The following SNTG1 variants were observed in gnomAD, a reference collection of about 807,000 sequenced individuals.
SNTG1 encodes syntrophin gamma 1, also known as gamma-1-syntrophin.
Under a neutral mutation model 74.7 loss-of-function variants are expected in SNTG1, and 39 were observed. That is an observed-to-expected ratio of 0.52 (90% CI 0.40 to 0.68). SNTG1 has a LOEUF of 0.68. Among genes scored for constraint, SNTG1 ranks in the 30% least tolerant of loss-of-function variants. The pLI is 0.00. For synonymous variants in SNTG1, 254 were observed against 217.1 expected (o/e 1.17, Z -1.49); for missense variants, 685 against 609.5 (o/e 1.12, Z -1.30).
At chr8:50,741,656 A>G (rs2095543693) in intron 17 of SNTG1, among the ~76,000 whole-genome samples, 1 of 152,072 alleles carries the variant, frequency 6.6e-6, no homozygotes, top group South Asian at 2.1e-4. Context: ...ATGGATAACT[A>G]AACTATGGTA....
chr8:50,506,612 G>GT (rs1022356387), intron 9 of SNTG1, among the ~76,000 whole-genome samples: 3 of 151,814 alleles, frequency 2.0e-5, no homozygotes, highest in Admixed American at 6.6e-5. Flanking sequence ...CAATAAAATT[G>GT]TTTTTTTATT....
At chr8:50,113,921 CAAAT>C (rs3086086) in intron 1 of SNTG1, among the ~76,000 whole-genome samples, 49,051 of 149,312 alleles carry the variant, frequency 0.33, 10,003 homozygotes, top group African/African-American at 0.59. Context: ...TAAAAATATA[CAAAT>C]AAATAAATAA....
chr8:50,764,927 C>T (rs964152231), intron 18 of SNTG1, among the ~76,000 whole-genome samples: 1 of 151,886 alleles, frequency 6.6e-6, no homozygotes, highest in Non-Finnish European at 1.5e-5. Context: ...TATATGTATA[C>T]ATAATGGAAT....
chr8:50,650,814 C>A (rs977247435), intron 13 of SNTG1, among the ~76,000 whole-genome samples: 2 of 152,056 alleles, frequency 1.3e-5, no homozygotes, highest in Non-Finnish European at 2.9e-5. Flanking sequence ...GATTCTCCTG[C>A]CTCAGTCTCC....
intron 12 of SNTG1, among the ~76,000 whole-genome samples, chr8:50,578,667 C>A (rs1011944206): frequency 2.6e-5 from 4 of 152,140 alleles, no homozygotes; most frequent in African/African-American, 9.7e-5. Context: ...AGTGAGTTCT[C>A]ACAAGATCTG....
intron 1 of SNTG1, among the ~76,000 whole-genome samples, chr8:50,152,406 C>T (rs1339450872): frequency 1.3e-5 from 2 of 152,148 alleles, no homozygotes; most frequent in African/African-American, 2.4e-5. Flanking sequence ...AGCCCATTTA[C>T]ATTTAAGGTT....
rs2129333057 is a variant in SNTG1 at position 49,911,997 on chromosome 8, G to A, written c.-337G>A. On this transcript the variant is annotated 5_prime_UTR_variant, in exon 1 of 19. Coordinates refer to ENST00000642720, the MANE Select transcript of SNTG1 (RefSeq NM_018967.5). ...ACTTCAAGAATCATTTTTCTATAGGGGTCTGGGAGGAATTCTGGAGGAGAG... is the reference window on the plus strand; with the variant it reads ...ACTTCAAGAATCATTTTTCTATAGGAGTCTGGGAGGAATTCTGGAGGAGAG... 1 of 152,448 alleles carries A rather than the reference G, an allele frequency of 6.6e-6. No homozygotes were observed. Among genetic ancestry groups the A allele is most frequent in the Admixed American group, 6.5e-5 (1 of 15,296 alleles). The allele number at this position is 152,448 out of a possible 1,614,324, so 9.4% of individuals were successfully genotyped here.
At chr8:50,255,818 G>A (rs1348252886) in intron 2 of SNTG1, among the ~76,000 whole-genome samples, 1 of 152,122 alleles carries the variant, frequency 6.6e-6, no homozygotes, top group South Asian at 2.1e-4. Flanking sequence ...AGCACTGAGG[G>A]CTAGAAGTTC....
intron 1 of SNTG1, among the ~76,000 whole-genome samples, chr8:49,983,734 T>C (rs766101031): frequency 1.4e-4 from 22 of 152,316 alleles, no homozygotes; most frequent in Non-Finnish European, 2.6e-4. Context: ...TTCACTGCCC[T>C]GATGCTTTTA....
chr8:50,540,075 T>G (rs2094335648), intron 11 of SNTG1, among the ~76,000 whole-genome samples: 1 of 152,166 alleles, frequency 6.6e-6, no homozygotes, highest in Non-Finnish European at 1.5e-5. Flanking sequence ...CATGCTTAGC[T>G]GTTCACCTCA....
chr8:50,110,222 T>A (rs541146540), intron 1 of SNTG1, among the ~76,000 whole-genome samples: 30 of 152,168 alleles, frequency 2.0e-4, no homozygotes, highest in Non-Finnish European at 2.9e-5. Context: ...CTGCAAGTCA[T>A]AAGGGACATT....
chr8:50,732,436 CT>C (rs2095515204), intron 17 of SNTG1, among the ~76,000 whole-genome samples: 1 of 151,772 alleles, frequency 6.6e-6, no homozygotes. Flanking sequence ...ATTTCACGTC[CT>C]TATGTTTCCC....
At chr8:50,612,023 G>A (rs888858626) in intron 13 of SNTG1, among the ~76,000 whole-genome samples, 2 of 152,094 alleles carry the variant, frequency 1.3e-5, no homozygotes, top group Admixed American at 1.3e-4. Context: ...CTCCCAAAGT[G>A]CTGGGATTGC....
At chr8:50,143,194 G>C (rs2081734810) in intron 1 of SNTG1, among the ~76,000 whole-genome samples, 1 of 152,192 alleles carries the variant, frequency 6.6e-6, no homozygotes, top group Non-Finnish European at 1.5e-5. Flanking sequence ...AATGTTCCAT[G>C]TGGGAAATGT....
chr8:50,291,852 C>T (rs2089129730), intron 2 of SNTG1, among the ~76,000 whole-genome samples: 1 of 151,954 alleles, frequency 6.6e-6, no homozygotes, highest in African/African-American at 2.4e-5. Flanking sequence ...ACAGAAAAGA[C>T]CGGACATGTT....
chr8:50,140,144 T>C (rs1227209641), intron 1 of SNTG1, among the ~76,000 whole-genome samples: 1 of 152,190 alleles, frequency 6.6e-6, no homozygotes, highest in Admixed American at 6.5e-5. Context: ...TAAGCACTGA[T>C]GAGGCAAATC....
chr8:49,947,166 C>A (rs147627827), intron 1 of SNTG1, among the ~76,000 whole-genome samples: 1,780 of 151,898 alleles, frequency 0.012, 37 homozygotes, highest in African/African-American at 0.04. Flanking sequence ...ACAGGCATGG[C>A]GGCACATGCT....
intron 1 of SNTG1, among the ~76,000 whole-genome samples, chr8:49,941,868 T>C (rs1350766597): frequency 4.6e-5 from 7 of 152,228 alleles, no homozygotes; most frequent in Non-Finnish European, 1.0e-4. Context: ...GTTTATTTAC[T>C]TGTTTTTAGA....
intron 4 of SNTG1, among the ~76,000 whole-genome samples, chr8:50,432,869 CA>C (rs2093254481): frequency 6.6e-6 from 1 of 152,032 alleles, no homozygotes; most frequent in African/African-American, 2.4e-5. Context: ...TCGGCTACTG[CA>C]ACCTCCACCT....
Sources: allele counts gnomAD v4.1 joint callset (sites outside exome capture counted in the v4.1 genomes callset), GRCh38; gene constraint gnomAD v4.1.1; transcripts MANE v1.5; gene names NCBI Gene and HGNC (gene_info 2026-07-23, HGNC 2026-07-21).